The following METTL15 variants were observed in gnomAD, a reference collection of about 807,000 sequenced individuals.
METTL15 encodes the protein 12S rRNA N(4)-cytidine methyltransferase METTL15.
A neutral mutation model predicts 38.3 loss-of-function variants in METTL15; 34 were observed. That is an observed-to-expected ratio of 0.89 (90% CI 0.68 to 1.18). The LOEUF (loss-of-function observed/expected upper bound fraction) is 1.18. Ranked by LOEUF, METTL15 falls within the 50% of genes most tolerant of loss-of-function variation. The probability of loss-of-function intolerance (pLI) is 0.00; values close to 1 mark genes in which losing one functional copy is unlikely to be tolerated. For missense variants in METTL15, 438 were observed against 498.4 expected, an observed-to-expected ratio of 0.88 and a Z score of 1.15; for synonymous variants, 162 against 170.9, an observed-to-expected ratio of 0.95 and a Z score of 0.41.
chr11:28,334,352 A>C (rs1849881380), downstream of METTL15, among the ~76,000 whole-genome samples: 2 of 152,118 alleles, frequency 1.3e-5, no homozygotes, highest in African/African-American at 4.8e-5. Flanking sequence ...ACTAAATTAA[A>C]AATTGCTTCT....
At chr11:28,273,780 A>G (rs972850461) in intron 4 of METTL15, among the ~76,000 whole-genome samples, 2 of 152,100 alleles carry the variant, frequency 1.3e-5, no homozygotes, top group African/African-American at 4.8e-5. Context: ...AAAATATTTC[A>G]TGATGTATAT....
At chr11:28,288,635 G>A (rs964652403) in intron 4 of METTL15, among the ~76,000 whole-genome samples, 22 of 152,156 alleles carry the variant, frequency 1.4e-4, no homozygotes, top group Middle Eastern at 3.4e-3. Context: ...ACACATAGAG[G>A]GGAACAACAC....
Position 28,343,665 on chromosome 11 carries a change from T to A in METTL15, c.*190-8425T>A, listed in dbSNP as rs548440571. ...TACAGCTCTAGCCTTTTATTTAGCC[T>A]TCCAAATAAATTCTAATATTTAAAG... On this transcript the variant is annotated intron_variant and NMD_transcript_variant, in intron 3 of 7. Coordinates refer to the METTL15 transcript ENST00000532947. 2.0e-5 allele frequency among the ~76,000 whole-genome samples: 3 copies of A among 152,338 alleles called. No individual in the cohort carries two copies. The South Asian group carries it at 6.2e-4, about 32-fold the overall frequency.
rs930850210 is a variant in METTL15, at chr11:28,330,918, T to A, written c.*77T>A. ...TACTCATGTTATGTCCCTGAATGTCTTGGTATAGGTTTAAGTGTGGGACAG... is the reference window on the plus strand; with the variant it reads ...TACTCATGTTATGTCCCTGAATGTCATGGTATAGGTTTAAGTGTGGGACAG... On this transcript the variant is annotated 3_prime_UTR_variant, in exon 7 of 7. Transcript: ENST00000407364. The A allele has an allele frequency of 4.7e-6, 5 of 1,069,532 alleles. No individual in the cohort carries two copies. The highest frequency in any genetic ancestry group is 6.7e-6 in the Non-Finnish European group (5 of 749,736). 66.3% of individuals were successfully genotyped at this position (1,069,532 alleles called of 1,614,324 possible).
intron 5 of METTL15, among the ~76,000 whole-genome samples, chr11:28,419,226 C>T (rs1167156545): frequency 2.6e-5 from 4 of 152,190 alleles, no homozygotes; most frequent in African/African-American, 9.6e-5. Context: ...CCAGTGCAGT[C>T]CCAGTGGTGG....
At chr11:28,392,509 A>G (rs1190192645) in intron 5 of METTL15, among the ~76,000 whole-genome samples, 1 of 152,088 alleles carries the variant, frequency 6.6e-6, no homozygotes, top group Non-Finnish European at 1.5e-5. Flanking sequence ...TCAACAAATG[A>G]TATAGGAAAC....
chr11:28,524,348 G>C (rs1851791846), intron 6 of METTL15, among the ~76,000 whole-genome samples: 1 of 152,142 alleles, frequency 6.6e-6, no homozygotes, highest in African/African-American at 2.4e-5. Flanking sequence ...TGACTTCACT[G>C]GTCTCAAGAT....
intron 6 of METTL15, among the ~76,000 whole-genome samples, chr11:28,484,683 A>T (rs1020857612): frequency 2.0e-5 from 3 of 151,970 alleles, no homozygotes; most frequent in African/African-American, 7.3e-5. Context: ...AATGATCTTG[A>T]CAACCTTTAT....
chr11:28,147,363 CT>C (rs1271143721), intron 3 of METTL15, among the ~76,000 whole-genome samples: 2 of 151,766 alleles, frequency 1.3e-5, no homozygotes, highest in Admixed American at 6.6e-5. Flanking sequence ...AGTAGACAAT[CT>C]TTAGGGCAAT....
intron 3 of METTL15, among the ~76,000 whole-genome samples, chr11:28,116,614 A>T (rs1009019182): frequency 6.6e-6 from 1 of 152,214 alleles, no homozygotes; most frequent in East Asian, 1.9e-4. Flanking sequence ...AGCTATATGT[A>T]TAAGGTGTAC....
At chr11:28,239,729 G>A (rs748789737) in intron 4 of METTL15, among the ~76,000 whole-genome samples, 5 of 152,086 alleles carry the variant, frequency 3.3e-5, no homozygotes, top group Admixed American at 6.5e-5. Flanking sequence ...CAGATGTTCT[G>A]TGGCACATTC....
chr11:28,509,065 T>C (rs1482595086), intron 6 of METTL15, among the ~76,000 whole-genome samples: 3 of 152,206 alleles, frequency 2.0e-5, no homozygotes, highest in Admixed American at 6.5e-5. Flanking sequence ...CACCTTTTCA[T>C]TGACGATAAT....
intron 5 of METTL15, among the ~76,000 whole-genome samples, chr11:28,385,718 A>C (rs193015353): frequency 6.6e-6 from 1 of 152,208 alleles, no homozygotes; most frequent in African/African-American, 2.4e-5. Context: ...TAGCATCTGT[A>C]AATTTGTTCA....
intron 6 of METTL15, among the ~76,000 whole-genome samples, chr11:28,302,385 C>T (rs1297488717): frequency 6.6e-6 from 1 of 152,112 alleles, no homozygotes; most frequent in Non-Finnish European, 1.5e-5. Flanking sequence ...AATGGTTTGG[C>T]TCTGTGTCTT....
chr11:28,310,040 A>T (rs1857219902), intron 6 of METTL15, among the ~76,000 whole-genome samples: 1 of 152,150 alleles, frequency 6.6e-6, no homozygotes, highest in African/African-American at 2.4e-5. Flanking sequence ...CATTGAATTT[A>T]ATAGACCCCC....
At chr11:28,319,579 T>G (rs1590318300) in intron 6 of METTL15, among the ~76,000 whole-genome samples, 1 of 152,110 alleles carries the variant, frequency 6.6e-6, no homozygotes, top group East Asian at 1.9e-4. Context: ...ACCCCTCAGT[T>G]TGGTACCTTT....
intron 6 of METTL15, among the ~76,000 whole-genome samples, chr11:28,510,921 G>C (rs750681790): frequency 2.0e-5 from 3 of 152,212 alleles, no homozygotes; most frequent in Non-Finnish European, 2.9e-5. Flanking sequence ...GAAATGACAA[G>C]TTGGACAGGC....
intron 5 of METTL15, among the ~76,000 whole-genome samples, chr11:28,374,844 A>T (rs988111175): frequency 3.4e-5 from 5 of 148,424 alleles, no homozygotes; most frequent in Non-Finnish European, 7.5e-5. Flanking sequence ...CGTCCCATCA[A>T]TACCTAATTT....
At chr11:28,262,641 A>C (rs994786655) in intron 4 of METTL15, among the ~76,000 whole-genome samples, 3 of 152,148 alleles carry the variant, frequency 2.0e-5, no homozygotes, top group Non-Finnish European at 4.4e-5. Context: ...TTAATCAGAG[A>C]TACTGGATCC....
Sources: allele counts gnomAD v4.1 joint callset (sites outside exome capture counted in the v4.1 genomes callset), GRCh38; gene constraint gnomAD v4.1.1; transcripts MANE v1.5; gene names NCBI Gene and HGNC (gene_info 2026-07-23, HGNC 2026-07-21).